The following FAM228B variants were observed in gnomAD, a reference collection of about 807,000 sequenced individuals.
FAM228B encodes the protein protein FAM228B.
A neutral mutation model predicts 42.6 loss-of-function variants in FAM228B; 38 were observed. That is an observed-to-expected ratio of 0.89 (90% CI 0.69 to 1.17). The LOEUF is 1.17. Among genes scored for constraint, FAM228B ranks in the 50% most tolerant of loss-of-function variants. The pLI is 0.00. For synonymous variants in FAM228B, 109 were observed against 122.3 expected (o/e 0.89, Z 0.72); for missense variants, 344 against 367.3 (o/e 0.94, Z 0.52).
chr2:24,120,734 T>A (rs1013273288), upstream of FAM228B, among the ~76,000 whole-genome samples: 1 of 152,288 alleles, frequency 6.6e-6, no homozygotes, highest in African/African-American at 2.4e-5. Context: ...CTTGTATTTT[T>A]AGTAGAAACA....
At chr2:24,081,120 G>C (rs549092734) in intron 2 of FAM228B, 2 of 867,696 alleles carry the variant, frequency 2.3e-6, no homozygotes, top group South Asian at 5.4e-5. Flanking sequence ...CCTGGCCGTT[G>C]CACCAAATGC....
chr2:24,080,801 G>C lies in FAM228B; in HGVS notation c.-289-75G>C, dbSNP rs561085987. On this transcript the variant is annotated intron_variant, in intron 1 of 10. Transcript: ENST00000613899. This position sits in a 1 kb window ranked among gnomAD's most constrained non-coding sequence, Gnocchi z 4.7. ...TCATCTCTTAAATTCCTGCTGAACT[G>C]TAGAAGCAGTTGTTTACCTTTGGTG... The C allele has an allele frequency of 1.9e-6, 3 of 1,613,798 alleles. No homozygotes were observed. The highest frequency in any genetic ancestry group is 2.5e-6 in the Non-Finnish European group (3 of 1,179,718).
chr2:24,083,237 CT>C (rs71395187), intron 2 of FAM228B: 781 of 1,312,114 alleles, frequency 6.0e-4, no homozygotes, highest in Admixed American at 1.2e-3. Context: ...AAGATCCCCT[CT>C]TTTTTTTTTC....
intron 3 of FAM228B, among the ~76,000 whole-genome samples, chr2:24,137,560 A>G (rs1666619416): frequency 6.6e-6 from 1 of 152,124 alleles, no homozygotes; most frequent in Non-Finnish European, 1.5e-5. Context: ...TGTCCCAGTC[A>G]TGGTGTACTG....
intron 2 of FAM228B, among the ~76,000 whole-genome samples, chr2:24,133,437 T>C (rs1267704627): frequency 6.6e-6 from 1 of 152,190 alleles, no homozygotes. Context: ...TCTTTGGATG[T>C]TAATGGGGAA....
intron 3 of FAM228B, among the ~76,000 whole-genome samples, chr2:24,099,277 T>C (rs1000814045): frequency 1.3e-5 from 2 of 152,144 alleles, no homozygotes; most frequent in Non-Finnish European, 2.9e-5. Flanking sequence ...GCCAGGGCAA[T>C]CAGGCAAGAG....
chr2:24,119,577 C>T, upstream of FAM228B: 1 of 1,612,344 alleles, frequency 6.2e-7, no homozygotes, highest in Non-Finnish European at 8.5e-7. Context: ...GCCAACTTAC[C>T]CAGGCTCTCT....
At position 24,080,969 on chromosome 2, in the gene FAM228B, C is replaced by T. The variant is rs1248110241; in HGVS notation, c.-210+14C>T. On this transcript the variant is annotated intron_variant, in intron 2 of 10. Coordinates refer to the FAM228B transcript ENST00000613899. This position sits in a 1 kb window ranked among gnomAD's most constrained non-coding sequence, Gnocchi z 4.7. Reference sequence around the variant, plus strand: ...CCAGCCATCCGGGTGAGTTGGATAGCAGCTGTGCCCACACCACTCAGTCCT... The same window carrying T: ...CCAGCCATCCGGGTGAGTTGGATAGTAGCTGTGCCCACACCACTCAGTCCT... 6.2e-7 allele frequency: 1 copy of T among 1,614,088 alleles called. No homozygotes were observed. The highest frequency in any genetic ancestry group is 8.5e-7 in the Non-Finnish European group (1 of 1,180,052).
intron 9 of FAM228B, among the ~76,000 whole-genome samples, chr2:24,164,662 C>T (rs1667361665): frequency 6.6e-6 from 1 of 152,204 alleles, no homozygotes; most frequent in South Asian, 2.1e-4. Context: ...CTCTCTCAGT[C>T]CGCCATCTCC....
In FAM228B at chr2:24,164,348, G is replaced by A. The variant is rs529840899; in HGVS notation, c.932+13G>A. ...AAGACCAGGATGGGTAAGAGCTGGGGCTGTCCCATTTCATCATACATAAGG... is the reference window on the plus strand; with the variant it reads ...AAGACCAGGATGGGTAAGAGCTGGGACTGTCCCATTTCATCATACATAAGG... On this transcript the variant is annotated intron_variant, in intron 9 of 10. Transcript: ENST00000615575. The A allele has an allele frequency of 2.6e-6, 4 of 1,545,544 alleles. No individual in the cohort carries two copies. The East Asian group carries it at 9.8e-5, about 38-fold the overall frequency.
intron 3 of FAM228B, among the ~76,000 whole-genome samples, chr2:24,113,157 C>T (rs1041792580): frequency 3.9e-5 from 6 of 151,934 alleles, no homozygotes; most frequent in Non-Finnish European, 7.4e-5. Context: ...AGCACAAAGC[C>T]GACTATGTGC....
rs571985647 is a variant in FAM228B, at chr2:24,123,910, G to A, written c.-33+377G>A. ...CGAGCCGCTCAGAGCTCGAAGACTC[G>A]CGCAGTATGACCGAAAGCCCCTCCC... On this transcript the variant is annotated intron_variant, in intron 1 of 10. Coordinates refer to ENST00000615575, the MANE Select transcript of FAM228B (RefSeq NM_001145710.2). 2.0e-5 allele frequency among the ~76,000 whole-genome samples: 3 copies of A among 152,316 alleles called. No homozygotes were observed. The South Asian group carries it at 6.2e-4, about 32-fold the overall frequency.
Position 24,139,454 on chromosome 2 carries a change from G to A in FAM228B, c.441+4G>A. The A allele has an allele frequency of 6.5e-7, 1 of 1,531,184 alleles. No homozygotes were observed. The highest frequency in any genetic ancestry group is 1.4e-5 in the African/African-American group (1 of 72,566). 94.8% of individuals were successfully genotyped at this position (1,531,184 alleles called of 1,614,324 possible). A position where few individuals can be genotyped will look rare whatever the true frequency, so the allele number is the denominator to read the frequency against. On this transcript the variant is annotated splice_donor_region_variant and intron_variant, in intron 5 of 10. Transcript: ENST00000615575. ...GAAGGACCCCAATTTTCTGAAGGTA[G>A]GGTAGATTTCTTTTTTTTAACTTTG...
intron 3 of FAM228B, among the ~76,000 whole-genome samples, chr2:24,117,495 T>G (rs890934536): frequency 1.3e-5 from 2 of 151,342 alleles, no homozygotes; most frequent in Admixed American, 1.3e-4. Context: ...CAGGCTGGAG[T>G]GCAATGGCGC....
upstream of FAM228B, chr2:24,119,658 T>A: frequency 6.2e-7 from 1 of 1,613,152 alleles, no homozygotes. Context: ...AGATGGGTCT[T>A]CACGACAACC....
chr2:24,103,440 G>T (rs1558371522), intron 3 of FAM228B, among the ~76,000 whole-genome samples: 1 of 152,184 alleles, frequency 6.6e-6, no homozygotes, highest in Non-Finnish European at 1.5e-5. Flanking sequence ...GGAGACCTCT[G>T]TTACAAAAGA....
Position 24,143,175 on chromosome 2 carries a change from C to T in FAM228B, c.442-3573C>T, listed in dbSNP as rs528519944. Among the ~76,000 whole-genome samples, 257 of 150,844 alleles carry T rather than the reference C, an allele frequency of 1.7e-3. 1 individual carries two copies. The highest frequency in any genetic ancestry group is 6.1e-3 in the African/African-American group (249 of 41,110). On this transcript the variant is annotated intron_variant, in intron 5 of 10. Transcript: ENST00000615575. ...CTACCTTTTTCTTTTCTTTTTTTTT[C>T]TTTTTTGGTTTGTTTTTGTTTTTGA...
At chr2:24,155,861 C>T (rs1667129975) in intron 7 of FAM228B, among the ~76,000 whole-genome samples, 1 of 152,032 alleles carries the variant, frequency 6.6e-6, no homozygotes, top group South Asian at 2.1e-4. Flanking sequence ...ATTTTTATTT[C>T]TTATAGAGGA....
chr2:24,139,783 A>G (rs1005623096), intron 5 of FAM228B, among the ~76,000 whole-genome samples: 4 of 152,124 alleles, frequency 2.6e-5, no homozygotes, highest in Non-Finnish European at 5.9e-5. Flanking sequence ...CCAAAATTCT[A>G]TTACCCAGAA....
Sources: gnomAD v4.1 joint callset for allele counts (sites outside exome capture counted in the v4.1 genomes callset) on GRCh38, gnomAD v4.1.1 for gene constraint, Gnocchi (gnomAD v3.1) non-coding constraint, MANE v1.5 for transcripts, NCBI Gene and HGNC (gene_info 2026-07-23, HGNC 2026-07-21) for gene names.